Variants in CTNNA3 observed in about 807,000 individuals in gnomAD.
The protein encoded by CTNNA3 is catenin alpha 3.
A neutral mutation model predicts 95.7 loss-of-function variants in CTNNA3; 76 were observed. The observed-to-expected ratio is 0.79, with a 90% CI of 0.66 to 0.96. The LOEUF (loss-of-function observed/expected upper bound fraction) is 0.96, where lower values mean the gene tolerates loss of function less well. Among genes scored for constraint, CTNNA3 ranks in the 40% least tolerant of loss-of-function variants. The pLI is 0.00. For synonymous variants in CTNNA3, 431 were observed against 374.4 expected, an observed-to-expected ratio of 1.15 and a Z score of -1.74; for missense variants, 1,191 against 1,089.8, an observed-to-expected ratio of 1.09 and a Z score of -1.31.
At chr10:67,088,802 C>T (rs1857452079) in intron 7 of CTNNA3, among the ~76,000 whole-genome samples, 1 of 152,026 alleles carries the variant, frequency 6.6e-6, no homozygotes, top group African/African-American at 2.4e-5. Flanking sequence ...ACTTGAAAAT[C>T]TGCAAATTTA....
At position 66,325,177 on chromosome 10, in the gene CTNNA3, G is replaced by A. The variant is rs140771014; in HGVS notation, c.1733-44556C>T. Among the ~76,000 whole-genome samples the A allele has an allele frequency of 5.6e-3, 848 of 152,122 alleles. 21 individuals carry two copies. The highest frequency in any genetic ancestry group is 0.032 in the Admixed American group (484 of 15,278). ...AGGCAGGAGTGCAAATACACTTAAC[G>A]ATAATCAGTAATGACTGTAGTCCCT... On this transcript the variant is annotated intron_variant, in intron 12 of 17. Transcript: ENST00000433211.
chr10:67,026,748 T>C (rs1853415232), intron 7 of CTNNA3, among the ~76,000 whole-genome samples: 1 of 152,226 alleles, frequency 6.6e-6, no homozygotes, highest in African/African-American at 2.4e-5. Flanking sequence ...TTCTGTCTGG[T>C]TCTTAGTTGT....
At chr10:67,150,679 A>C (rs1448329543) in intron 7 of CTNNA3, among the ~76,000 whole-genome samples, 3 of 152,230 alleles carry the variant, frequency 2.0e-5, no homozygotes, top group African/African-American at 7.2e-5. Context: ...CTTTTCAATG[A>C]TGCTGTATAA....
At chr10:67,540,005 T>C (rs962908360) in intron 3 of CTNNA3, among the ~76,000 whole-genome samples, 8 of 152,118 alleles carry the variant, frequency 5.3e-5, no homozygotes, top group African/African-American at 1.7e-4. Context: ...TCATAAACAA[T>C]CCTGCTTATA....
chr10:66,049,175 C>A (rs1218228325), intron 15 of CTNNA3, among the ~76,000 whole-genome samples: 1 of 152,118 alleles, frequency 6.6e-6, no homozygotes, highest in East Asian at 1.9e-4. Context: ...GGCCAATAAG[C>A]ATATGAAAAC....
chr10:67,608,468 T>C (rs1026597796), intron 2 of CTNNA3, among the ~76,000 whole-genome samples: 2 of 152,156 alleles, frequency 1.3e-5, no homozygotes, highest in Admixed American at 1.3e-4. Context: ...ATTAAAACAA[T>C]ACACACATAC....
At chr10:67,711,983 T>C (rs905117683) in intron 1 of CTNNA3, among the ~76,000 whole-genome samples, 18 of 152,112 alleles carry the variant, frequency 1.2e-4, no homozygotes, top group Non-Finnish European at 2.4e-4. Context: ...TGGAGATTCC[T>C]CAGGGATCTA....
chr10:65,962,175 G>T (rs368879320), intron 17 of CTNNA3, among the ~76,000 whole-genome samples: 2 of 152,020 alleles, frequency 1.3e-5, no homozygotes, highest in East Asian at 3.9e-4. Flanking sequence ...ATTTTCACTG[G>T]ATGGTCCCAT....
intron 5 of CTNNA3, among the ~76,000 whole-genome samples, chr10:67,247,081 T>A (rs1022334042): frequency 5.9e-5 from 9 of 152,198 alleles, no homozygotes; most frequent in Admixed American, 5.9e-4. Context: ...CCTTCCTCCT[T>A]AAAATAAAAA....
intron 10 of CTNNA3, among the ~76,000 whole-genome samples, chr10:66,581,408 T>G (rs1843183641): frequency 1.2e-5 from 1 of 85,052 alleles, no homozygotes; most frequent in Admixed American, 1.0e-4. Flanking sequence ...GAGCATCTTT[T>G]GGGGATTTTT....
intron 12 of CTNNA3, among the ~76,000 whole-genome samples, chr10:66,337,135 T>G (rs2092406125): frequency 6.6e-6 from 1 of 152,308 alleles, no homozygotes; most frequent in Admixed American, 6.5e-5. Context: ...TGTTAACTTC[T>G]AATGGGTTTA....
chr10:66,311,222 C>A (rs2092016221), intron 12 of CTNNA3, among the ~76,000 whole-genome samples: 1 of 152,126 alleles, frequency 6.6e-6, no homozygotes, highest in South Asian at 2.1e-4. Flanking sequence ...TAGATAGCTA[C>A]CTTCAAAATT....
chr10:66,420,666 G>A (rs76691941), intron 11 of CTNNA3, among the ~76,000 whole-genome samples: 17 of 152,008 alleles, frequency 1.1e-4, no homozygotes, highest in Non-Finnish European at 2.2e-4. Context: ...GGGCGTGATG[G>A]CATGTGCCTG....
At chr10:66,429,456 G>A (rs561922288) in intron 11 of CTNNA3, among the ~76,000 whole-genome samples, 1 of 151,906 alleles carries the variant, frequency 6.6e-6, no homozygotes, top group Non-Finnish European at 1.5e-5. Flanking sequence ...GCAAAAAAGA[G>A]AATTTTAGAC....
intron 4 of CTNNA3, among the ~76,000 whole-genome samples, chr10:67,527,802 T>G (rs1474000484): frequency 6.6e-6 from 1 of 152,136 alleles, no homozygotes; most frequent in Non-Finnish European, 1.5e-5. Flanking sequence ...ATGGCAATAG[T>G]TTTTTAAGAT....
chr10:66,671,405 A>G (rs1020937064), intron 9 of CTNNA3, among the ~76,000 whole-genome samples: 1 of 152,102 alleles, frequency 6.6e-6, no homozygotes, highest in African/African-American at 2.4e-5. Context: ...CAAGAAAGAG[A>G]AAACCAATTT....
chr10:66,357,921 C>T lies in CTNNA3; in HGVS notation c.1732+21231G>A, dbSNP rs2092623735. Among the ~76,000 whole-genome samples the T allele has an allele frequency of 3.3e-5, 5 of 152,204 alleles. No individual in the cohort carries two copies. In the South Asian group the frequency reaches 1.0e-3, roughly 32 times the overall value. ...TTTTGTATTCCCACCAGCATTGTGT[C>T]CAATTTCTCCACATCTTCCCCAACA... On this transcript the variant is annotated intron_variant, in intron 12 of 17. Coordinates refer to ENST00000433211, the MANE Select transcript of CTNNA3 (RefSeq NM_013266.4).
At chr10:67,180,668 C>A in intron 6 of CTNNA3, 148 bp from the exon 7 acceptor site, 1 of 633,604 alleles carries the variant, frequency 1.6e-6, no homozygotes, top group Non-Finnish European at 2.8e-6. Flanking sequence ...ACACATAATG[C>A]TATGTAGTGA....
intron 9 of CTNNA3, among the ~76,000 whole-genome samples, chr10:66,679,270 G>A (rs1384790658): frequency 6.6e-6 from 1 of 152,146 alleles, no homozygotes; most frequent in Admixed American, 6.6e-5. Flanking sequence ...ATGAATCATG[G>A]ACAAATGAAT....
Sources: allele counts gnomAD v4.1 joint callset (sites outside exome capture counted in the v4.1 genomes callset), GRCh38; gene constraint gnomAD v4.1.1; transcripts MANE v1.5; gene names NCBI Gene and HGNC (gene_info 2026-07-23, HGNC 2026-07-21).